WWTR1: variants seen among roughly 807,000 people sequenced by gnomAD.
The protein encoded by WWTR1 is WW domain containing transcription regulator 1.
Under a neutral mutation model 40.1 loss-of-function variants are expected in WWTR1, and 13 were observed. The observed-to-expected ratio is 0.32, with a 90% CI of 0.21 to 0.52. WWTR1 has a LOEUF of 0.52. Among genes scored for constraint, WWTR1 ranks in the 20% least tolerant of loss-of-function variants. The pLI, the probability that WWTR1 is intolerant of heterozygous loss-of-function variation, is 0.97. For synonymous variants in WWTR1, 230 were observed against 210.1 expected, an observed-to-expected ratio of 1.09 and a Z score of -0.82; for missense variants, 436 against 523.1, an observed-to-expected ratio of 0.83 and a Z score of 1.63.
At position 149,576,146 on chromosome 3, in the gene WWTR1, C is replaced by T. The variant is rs55835516; in HGVS notation, c.432-3146G>A. The T allele has an allele frequency of 8.1e-3, 3,703 of 455,948 alleles. 94 individuals carry two copies. The highest frequency in any genetic ancestry group is 0.065 in the African/African-American group (3,281 of 50,156). The allele number at this position is 455,948 out of a possible 1,614,324, so 28.2% of individuals were successfully genotyped here. A position where few individuals can be genotyped will look rare whatever the true frequency, so the allele number is the denominator to read the frequency against. Reference sequence around the variant, plus strand: ...CAAATTCCTGGCTCTGCAGACCAGTCGACCTGACATCAGCTGTAAGGCTGC... The same window carrying T: ...CAAATTCCTGGCTCTGCAGACCAGTTGACCTGACATCAGCTGTAAGGCTGC... On this transcript the variant is annotated intron_variant, in intron 2 of 6. Transcript: ENST00000360632.
intron 5 of WWTR1, among the ~76,000 whole-genome samples, chr3:149,716,640 G>A (rs995683900): frequency 6.6e-6 from 1 of 151,990 alleles, no homozygotes; most frequent in Non-Finnish European, 1.5e-5. Context: ...CTTATTGATT[G>A]TTGAGACCTG....
intron 2 of WWTR1, among the ~76,000 whole-genome samples, chr3:149,628,030 G>A (rs1308780031): frequency 6.9e-6 from 1 of 144,046 alleles, no homozygotes; most frequent in African/African-American, 2.6e-5. Flanking sequence ...CCGAGATGGC[G>A]CCATTGCGCT....
chr3:149,540,217 A>G (rs965819974), intron 4 of WWTR1: 3 of 456,518 alleles, frequency 6.6e-6, no homozygotes, highest in Non-Finnish European at 1.3e-5. Flanking sequence ...ATTGCTCACT[A>G]TGATGCAGCA....
intron 2 of WWTR1, among the ~76,000 whole-genome samples, chr3:149,605,390 AG>A (rs1739439528): frequency 6.6e-6 from 1 of 152,138 alleles, no homozygotes; most frequent in Non-Finnish European, 1.5e-5. Flanking sequence ...AACATAGACA[AG>A]GGAGCAGGTT....
At chr3:149,653,612 A>G (rs1414773835) in intron 2 of WWTR1, among the ~76,000 whole-genome samples, 2 of 152,206 alleles carry the variant, frequency 1.3e-5, no homozygotes, top group Admixed American at 1.3e-4. Flanking sequence ...GCAGAAAGTG[A>G]TTACATCATA....
At chr3:149,603,814 G>GA (rs202211665) in intron 2 of WWTR1, among the ~76,000 whole-genome samples, 12 of 48,788 alleles carry the variant, frequency 2.5e-4, no homozygotes, top group African/African-American at 4.3e-4. Context: ...TAATGTCAAT[G>GA]AAAAAAAAAT....
At chr3:149,564,232 G>A (rs1015373218) in intron 3 of WWTR1, among the ~76,000 whole-genome samples, 1 of 152,188 alleles carries the variant, frequency 6.6e-6, no homozygotes, top group Admixed American at 6.5e-5. Context: ...ACAAACCACT[G>A]TATTCTAAAA....
intron 2 of WWTR1, among the ~76,000 whole-genome samples, chr3:149,621,682 C>G: frequency 6.6e-6 from 1 of 152,180 alleles, no homozygotes; most frequent in East Asian, 1.9e-4. Context: ...AGAAATCATA[C>G]TAATATGGTC....
chr3:149,666,118 CA>C (rs1713806202), intron 2 of WWTR1, among the ~76,000 whole-genome samples: 1 of 152,168 alleles, frequency 6.6e-6, no homozygotes, highest in South Asian at 2.1e-4. Context: ...AAATAAGTCA[CA>C]GATCTGGTTA....
intron 6 of WWTR1, among the ~76,000 whole-genome samples, chr3:149,524,303 G>A (rs1735188701): frequency 6.7e-6 from 1 of 148,860 alleles, no homozygotes; most frequent in Non-Finnish European, 1.5e-5. Flanking sequence ...AAGAGACATA[G>A]AGTAGAATCC....
intron 4 of WWTR1, among the ~76,000 whole-genome samples, chr3:149,721,374 C>T (rs1209891532): frequency 6.6e-6 from 1 of 152,166 alleles, no homozygotes; most frequent in Non-Finnish European, 1.5e-5. Flanking sequence ...TGGCTTTCTC[C>T]CTTCATTCTG....
chr3:149,598,022 GC>G (rs573968219), intron 2 of WWTR1, among the ~76,000 whole-genome samples: 340 of 152,316 alleles, frequency 2.2e-3, no homozygotes, highest in African/African-American at 7.8e-3. Context: ...GTACTCAAGT[GC>G]ATGCCTGCAG....
intron 4 of WWTR1, among the ~76,000 whole-genome samples, chr3:149,718,654 C>G (rs1291287599): frequency 6.6e-6 from 1 of 152,210 alleles, no homozygotes; most frequent in Non-Finnish European, 1.5e-5. Flanking sequence ...CCTGCTACCC[C>G]TGGCAACCAT....
intron 2 of WWTR1, among the ~76,000 whole-genome samples, chr3:149,590,309 T>A (rs1228199103): frequency 6.6e-6 from 1 of 152,098 alleles, no homozygotes; most frequent in East Asian, 1.9e-4. Context: ...TCAAAAATGA[T>A]CTTAACTTGA....
chr3:149,675,096 T>C (rs1186205721), intron 1 of WWTR1, among the ~76,000 whole-genome samples: 2 of 152,214 alleles, frequency 1.3e-5, no homozygotes, highest in Non-Finnish European at 2.9e-5. Flanking sequence ...TATATCTTAC[T>C]TCTTTTGATT....
At chr3:149,533,135 C>T (rs1260644611) in intron 4 of WWTR1, among the ~76,000 whole-genome samples, 1 of 152,180 alleles carries the variant, frequency 6.6e-6, no homozygotes, top group Non-Finnish European at 1.5e-5. Context: ...CCTCTGTGTC[C>T]ACCCTGCCCT....
intron 1 of WWTR1, among the ~76,000 whole-genome samples, chr3:149,692,302 C>A (rs1403696341): frequency 6.6e-6 from 1 of 152,158 alleles, no homozygotes; most frequent in Non-Finnish European, 1.5e-5. Flanking sequence ...AAATAATTCA[C>A]CATGACCAAG....
intron 5 of WWTR1, among the ~76,000 whole-genome samples, chr3:149,716,261 TA>T (rs1223327434): frequency 6.6e-6 from 1 of 151,920 alleles, no homozygotes; most frequent in Non-Finnish European, 1.5e-5. Flanking sequence ...CACACAGCTG[TA>T]ATCCCAGCTA....
intron 1 of WWTR1, among the ~76,000 whole-genome samples, chr3:149,686,507 G>A (rs916360442): frequency 6.6e-6 from 1 of 151,986 alleles, no homozygotes; most frequent in African/African-American, 2.4e-5. Context: ...TCCAGCCTGG[G>A]CAATACATAC....
Sources: allele counts gnomAD v4.1 joint callset (sites outside exome capture counted in the v4.1 genomes callset), GRCh38; gene constraint gnomAD v4.1.1; transcripts MANE v1.5; gene names NCBI Gene and HGNC (gene_info 2026-07-23, HGNC 2026-07-21).